TRPC7: variants seen among roughly 807,000 people sequenced by gnomAD.
The protein encoded by TRPC7 is transient receptor potential cation channel subfamily C member 7, also known as short transient receptor potential channel 7.
Under a neutral mutation model 90.1 loss-of-function variants are expected in TRPC7, and 42 were observed. That is an observed-to-expected ratio of 0.47 (90% confidence interval 0.36 to 0.60). TRPC7 has a LOEUF of 0.60. Ranked by LOEUF, TRPC7 falls within the 20% of genes least tolerant of loss-of-function variation. The pLI, the probability that TRPC7 is intolerant of heterozygous loss-of-function variation, is 0.00. For synonymous variants in TRPC7, 451 were observed against 436.3 expected (o/e 1.03, Z -0.42); for missense variants, 955 against 1,112.3 (o/e 0.86, Z 2.01).
intron 10 of TRPC7, among the ~76,000 whole-genome samples, chr5:136,217,187 C>T (rs1755294558): frequency 6.6e-6 from 1 of 152,230 alleles, no homozygotes; most frequent in African/African-American, 2.4e-5. Context: ...GTCCTCCCTT[C>T]TTGTGGCCTT....
rs181845332 is a variant in TRPC7 at position 136,364,208 on chromosome 5, C to T, written c.2+1045G>A. On this transcript the variant is annotated intron_variant, in intron 1 of 11. Transcript: ENST00000513104. ...CATTCTGCAATTAGCCTCAATGAGG[C>T]TCCACATAGTTCTGATTTTTTTCTG... 9.8e-5 allele frequency among the ~76,000 whole-genome samples: 15 copies of T among 152,338 alleles called. No individual in the cohort carries two copies. In the East Asian group the frequency reaches 2.9e-3, roughly 29 times the overall value.
chr5:136,287,687 C>CAAAAAAAAAAAAAAAAAAAAAAAAAAAAA (rs767031610), intron 3 of TRPC7, among the ~76,000 whole-genome samples: 2 of 59,520 alleles, frequency 3.4e-5, no homozygotes, highest in Non-Finnish European at 5.9e-5. Context: ...AGTGGATGCT[C>CAAAAAAAAAAAAAAAAAAAAAAAAAAAAA]AAAAAAAAAA....
In TRPC7 at chr5:136,357,019, C is replaced by T; in HGVS notation, c.369G>A (p.Glu123=). The T allele has an allele frequency of 6.2e-7, 1 of 1,613,004 alleles. No homozygotes were observed. Among genetic ancestry groups the T allele is most frequent in the Non-Finnish European group, 8.5e-7 (1 of 1,179,914 alleles). ...AISKGYVRIV[E]AILNHPAFAQ... ...CGAAGGCCGGGTGGTTGAGGATGGCCTCCACGATGCGCACATAGCCCTTGC... is the reference window on the plus strand; with the variant it reads ...CGAAGGCCGGGTGGTTGAGGATGGCTTCCACGATGCGCACATAGCCCTTGC... Residue 123 remains glutamate (E), a synonymous_variant, in exon 2 of 12, where the codon GAG becomes GAA. Coordinates refer to ENST00000513104, the MANE Select transcript of TRPC7 (RefSeq NM_020389.3).
At chr5:136,228,148 TC>T (rs1755690976) in intron 8 of TRPC7, among the ~76,000 whole-genome samples, 1 of 152,142 alleles carries the variant, frequency 6.6e-6, no homozygotes, top group African/African-American at 2.4e-5. Context: ...AGTTAGTTAG[TC>T]TTTTACTTAT....
chr5:136,251,076 G>C (rs1035862271), intron 6 of TRPC7, among the ~76,000 whole-genome samples: 7 of 152,178 alleles, frequency 4.6e-5, no homozygotes, highest in Admixed American at 1.3e-4. Context: ...CACATAGTAG[G>C]TTCTCAATAA....
chr5:136,334,432 G>A (rs1759588551), intron 2 of TRPC7, among the ~76,000 whole-genome samples: 1 of 152,242 alleles, frequency 6.6e-6, no homozygotes, highest in South Asian at 2.1e-4. Context: ...CAGTACTTGT[G>A]ATTTCTCTGC....
chr5:136,260,643 C>T (rs1756827544), intron 5 of TRPC7, among the ~76,000 whole-genome samples: 1 of 152,194 alleles, frequency 6.6e-6, no homozygotes, highest in Admixed American at 6.5e-5. Flanking sequence ...ACTATAATGA[C>T]ACTGGCTGTC....
At chr5:136,363,317 C>T (rs566689992) in intron 1 of TRPC7, among the ~76,000 whole-genome samples, 33 of 152,126 alleles carry the variant, frequency 2.2e-4, no homozygotes, top group Non-Finnish European at 3.7e-4. Flanking sequence ...AGATAGTGAA[C>T]GTAAACTATT....
intron 2 of TRPC7, among the ~76,000 whole-genome samples, chr5:136,351,523 G>T (rs1760193873): frequency 1.3e-5 from 2 of 152,194 alleles, no homozygotes; most frequent in Admixed American, 6.5e-5. Context: ...TGAAAGCTGG[G>T]GCAATAGGCT....
intron 7 of TRPC7, among the ~76,000 whole-genome samples, chr5:136,241,428 A>G (rs1343947125): frequency 6.6e-6 from 1 of 152,230 alleles, no homozygotes; most frequent in East Asian, 1.9e-4. Context: ...GGGGCCCACC[A>G]TGGGTTGTGT....
intron 4 of TRPC7, among the ~76,000 whole-genome samples, chr5:136,271,292 G>A (rs1384726511): frequency 6.6e-6 from 1 of 152,150 alleles, no homozygotes; most frequent in Non-Finnish European, 1.5e-5. Context: ...AAGATAATTG[G>A]AACAGTTATA....
At chr5:136,332,958 C>T (rs1287321497) in intron 2 of TRPC7, among the ~76,000 whole-genome samples, 1 of 152,212 alleles carries the variant, frequency 6.6e-6, no homozygotes, top group East Asian at 1.9e-4. Context: ...CTTCGAGGAG[C>T]TGCTGACCAC....
chr5:136,347,504 T>A (rs963368200), intron 2 of TRPC7, among the ~76,000 whole-genome samples: 1 of 152,214 alleles, frequency 6.6e-6, no homozygotes, highest in Non-Finnish European at 1.5e-5. Context: ...AAAATTTACT[T>A]AGTTCATGCA....
rs542161465 is a variant in TRPC7, at chr5:136,338,088, T to C, written c.780+18520A>G. Among the ~76,000 whole-genome samples, 473 of 152,258 alleles carry C rather than the reference T, an allele frequency of 3.1e-3. 1 individual carries two copies. The highest frequency in any genetic ancestry group is 3.8e-3 in the Admixed American group (58 of 15,298). Reference sequence around the variant, plus strand: ...AGAGCAGCGATACTTAGCATTTCAATGTGGCCCTTCTGAATTTTCAAAGCA... The same window carrying C: ...AGAGCAGCGATACTTAGCATTTCAACGTGGCCCTTCTGAATTTTCAAAGCA... On this transcript the variant is annotated intron_variant, in intron 2 of 11. Transcript: ENST00000513104.
chr5:136,245,988 GCC>G (rs1330326930), intron 7 of TRPC7, among the ~76,000 whole-genome samples: 1 of 152,130 alleles, frequency 6.6e-6, no homozygotes, highest in African/African-American at 2.4e-5. Context: ...CCGATGGCTG[GCC>G]CTCCAGGAGA....
intron 2 of TRPC7, among the ~76,000 whole-genome samples, chr5:136,324,210 C>T (rs995390902): frequency 1.3e-5 from 2 of 152,110 alleles, no homozygotes; most frequent in Non-Finnish European, 2.9e-5. Flanking sequence ...GGATTTTCTA[C>T]ATAGACAAAC....
At chr5:136,330,842 G>A (rs918396695) in intron 2 of TRPC7, among the ~76,000 whole-genome samples, 1 of 152,128 alleles carries the variant, frequency 6.6e-6, no homozygotes, top group Non-Finnish European at 1.5e-5. Flanking sequence ...TTAGCAAAGT[G>A]CCAGACTCTC....
At chr5:136,331,622 C>T (rs1233994969) in intron 2 of TRPC7, among the ~76,000 whole-genome samples, 2 of 152,200 alleles carry the variant, frequency 1.3e-5, no homozygotes, top group Non-Finnish European at 2.9e-5. Context: ...ATTCTGTTAG[C>T]TCAAAAGCTT....
intron 4 of TRPC7, among the ~76,000 whole-genome samples, chr5:136,272,561 G>C (rs17170005): frequency 0.027 from 4,141 of 152,274 alleles, 204 homozygotes; most frequent in African/African-American, 0.094. Context: ...GCCACAGACT[G>C]AGTTATCGAC....
Sources: allele counts gnomAD v4.1 joint callset (sites outside exome capture counted in the v4.1 genomes callset), GRCh38; gene constraint gnomAD v4.1.1; transcripts MANE v1.5; gene names NCBI Gene and HGNC (gene_info 2026-07-23, HGNC 2026-07-21).